The following FHIT variants were observed in gnomAD, a reference collection of about 807,000 sequenced individuals.
The protein encoded by FHIT is bis(5'-adenosyl)-triphosphatase.
A neutral mutation model predicts 17.9 loss-of-function variants in FHIT; 19 were observed. The ratio of observed to expected loss-of-function variants is 1.06; its 90% CI spans 0.74 to 1.56. FHIT has a LOEUF of 1.56. Among genes scored for constraint, FHIT ranks in the 40% most tolerant of loss-of-function variants. The pLI is 0.00. For synonymous variants in FHIT, 81 were observed against 69.7 expected, an observed-to-expected ratio of 1.16 and a Z score of -0.81; for missense variants, 248 against 189.2, an observed-to-expected ratio of 1.31 and a Z score of -1.82.
intron 5 of FHIT, among the ~76,000 whole-genome samples, chr3:60,118,000 G>A (rs1422840274): frequency 6.6e-6 from 1 of 152,110 alleles, no homozygotes; most frequent in Non-Finnish European, 1.5e-5. Flanking sequence ...CTCCATTCTT[G>A]CAAAATGCTG....
At chr3:60,558,073 T>C (rs2036803588) in intron 4 of FHIT, among the ~76,000 whole-genome samples, 1 of 152,106 alleles carries the variant, frequency 6.6e-6, no homozygotes, top group African/African-American at 2.4e-5. Context: ...CCAAGAGTCC[T>C]GCCGGGACAG....
intron 8 of FHIT, among the ~76,000 whole-genome samples, chr3:59,835,978 G>A (rs17296701): frequency 0.054 from 8,177 of 152,180 alleles, 271 homozygotes; most frequent in Non-Finnish European, 0.075. Flanking sequence ...AATGGCCCCA[G>A]GAAGTCCTGT....
chr3:59,773,846 C>T (rs780362), intron 8 of FHIT, among the ~76,000 whole-genome samples: 17,720 of 152,150 alleles, frequency 0.12, 1,169 homozygotes, highest in Non-Finnish European at 0.16. Context: ...TACCAGGCCC[C>T]TGTAAAACGG....
At chr3:60,726,258 T>C (rs1379268608) in intron 4 of FHIT, among the ~76,000 whole-genome samples, 3 of 152,084 alleles carry the variant, frequency 2.0e-5, no homozygotes, top group Non-Finnish European at 4.4e-5. Flanking sequence ...ACTCCAAAAA[T>C]TGTATTAGTG....
intron 5 of FHIT, among the ~76,000 whole-genome samples, chr3:60,226,408 G>C (rs1364497628): frequency 6.8e-6 from 1 of 146,050 alleles, no homozygotes; most frequent in African/African-American, 2.6e-5. Flanking sequence ...GGAGGCGGAG[G>C]TTGCGGTGAG....
At chr3:60,316,864 T>G (rs1709186150) in intron 5 of FHIT, among the ~76,000 whole-genome samples, 1 of 152,174 alleles carries the variant, frequency 6.6e-6, no homozygotes, top group African/African-American at 2.4e-5. Context: ...TACACAGCAA[T>G]GTAGTGTGGT....
At chr3:61,230,842 G>A (rs1194522357) in intron 1 of FHIT, among the ~76,000 whole-genome samples, 2 of 152,066 alleles carry the variant, frequency 1.3e-5, no homozygotes, top group African/African-American at 4.8e-5. Flanking sequence ...CTAAAGTTTT[G>A]GAACTGGTAT....
intron 4 of FHIT, among the ~76,000 whole-genome samples, chr3:60,564,850 G>C (rs2037076851): frequency 6.6e-6 from 1 of 152,026 alleles, no homozygotes; most frequent in South Asian, 2.1e-4. Flanking sequence ...ATACCAACTT[G>C]GTTGATAAAA....
intron 5 of FHIT, among the ~76,000 whole-genome samples, chr3:60,379,438 A>G (rs147795389): frequency 6.6e-6 from 1 of 152,308 alleles, no homozygotes; most frequent in Non-Finnish European, 1.5e-5. Context: ...ACATTAATTA[A>G]ATATGAAAAT....
At chr3:60,964,027 G>A (rs1269012277) in intron 3 of FHIT, among the ~76,000 whole-genome samples, 1 of 152,128 alleles carries the variant, frequency 6.6e-6, no homozygotes, top group Admixed American at 6.5e-5. Flanking sequence ...TGTTGCCAGT[G>A]GAGTGTTAAA....
chr3:60,055,791 C>A (rs953336923), intron 5 of FHIT, among the ~76,000 whole-genome samples: 20 of 152,140 alleles, frequency 1.3e-4, no homozygotes, highest in African/African-American at 4.8e-4. Context: ...CTTAGAGGAA[C>A]GGGAAGGCTA....
chr3:60,842,643 A>ATTTTTT (rs1390675032), intron 3 of FHIT, among the ~76,000 whole-genome samples: 3 of 48,244 alleles, frequency 6.2e-5, no homozygotes, highest in African/African-American at 1.1e-4. Context: ...ATATATATAT[A>ATTTTTT]TATTTTTTTT....
At chr3:60,060,658 A>G (rs1702260451) in intron 5 of FHIT, among the ~76,000 whole-genome samples, 1 of 152,234 alleles carries the variant, frequency 6.6e-6, no homozygotes, top group Non-Finnish European at 1.5e-5. Context: ...GAGATTTGCA[A>G]TTATAAGAAC....
intron 2 of FHIT, among the ~76,000 whole-genome samples, chr3:61,166,657 C>T (rs1344743005): frequency 2.6e-5 from 4 of 152,236 alleles, no homozygotes; most frequent in Admixed American, 2.0e-4. Context: ...TAAAAACCAA[C>T]TTTCCAAATA....
chr3:60,512,590 T>C (rs190576643), intron 5 of FHIT, among the ~76,000 whole-genome samples: 99 of 152,302 alleles, frequency 6.5e-4, no homozygotes, highest in African/African-American at 2.4e-3. Flanking sequence ...CTGTGTCTTT[T>C]ACAGTGGGGT....
chr3:61,168,754 G>A (rs750345101), intron 2 of FHIT, among the ~76,000 whole-genome samples: 6 of 152,180 alleles, frequency 3.9e-5, no homozygotes, highest in Non-Finnish European at 5.9e-5. Context: ...AAGTGCATAC[G>A]CTCAATTATG....
chr3:60,183,079 A>G (rs2107446354), intron 5 of FHIT, among the ~76,000 whole-genome samples: 1 of 152,210 alleles, frequency 6.6e-6, no homozygotes, highest in African/African-American at 2.4e-5. Flanking sequence ...TTCAATTCAA[A>G]CAGGTAAAAT....
intron 5 of FHIT, among the ~76,000 whole-genome samples, chr3:60,196,679 T>C (rs1032282340): frequency 6.6e-6 from 1 of 152,056 alleles, no homozygotes; most frequent in African/African-American, 2.4e-5. Flanking sequence ...CTAGGATGTG[T>C]AACATACATA....
At chr3:60,037,875 G>A (rs965766260) in intron 5 of FHIT, among the ~76,000 whole-genome samples, 5 of 151,338 alleles carry the variant, frequency 3.3e-5, no homozygotes, top group Admixed American at 6.6e-5. Context: ...TGCCATGCCC[G>A]GCTAATTTTT....
Sources: gnomAD v4.1 joint callset for allele counts (sites outside exome capture counted in the v4.1 genomes callset) on GRCh38, gnomAD v4.1.1 for gene constraint, MANE v1.5 for transcripts, NCBI Gene and HGNC (gene_info 2026-07-23, HGNC 2026-07-21) for gene names.